The following PACRG variants were observed in gnomAD, a reference collection of about 807,000 sequenced individuals.
PACRG encodes parkin coregulated, also known as parkin coregulated gene protein.
A neutral mutation model predicts 29.7 loss-of-function variants in PACRG; 29 were observed. The ratio of observed to expected loss-of-function variants is 0.98; its 90% CI spans 0.73 to 1.33. The LOEUF (loss-of-function observed/expected upper bound fraction) is 1.33. Among genes scored for constraint, PACRG ranks in the 40% most tolerant of loss-of-function variants. The pLI is 0.00. For missense variants in PACRG, 279 were observed against 316.2 expected, an observed-to-expected ratio of 0.88 and a Z score of 0.89; for synonymous variants, 116 against 118.7, an observed-to-expected ratio of 0.98 and a Z score of 0.15.
chr6:163,178,444 T>A (rs555815389), intron 4 of PACRG, among the ~76,000 whole-genome samples: 138 of 152,254 alleles, frequency 9.1e-4, no homozygotes, highest in African/African-American at 3.2e-3. Flanking sequence ...AGGCCCGGGC[T>A]CCGGCAGCCA....
intron 1 of PACRG, among the ~76,000 whole-genome samples, chr6:162,752,047 TA>T (rs1211179049): frequency 6.6e-6 from 1 of 152,188 alleles, no homozygotes; most frequent in Non-Finnish European, 1.5e-5. Flanking sequence ...TGAAGTATGG[TA>T]AAATATCAGT....
intron 4 of PACRG, among the ~76,000 whole-genome samples, chr6:163,137,381 C>T (rs1012836220): frequency 7.9e-5 from 12 of 152,058 alleles, no homozygotes; most frequent in African/African-American, 2.9e-4. Flanking sequence ...TGTTCGCTTG[C>T]CAGTCCTCGG....
intron 4 of PACRG, among the ~76,000 whole-genome samples, chr6:163,128,068 A>G (rs1816587940): frequency 6.6e-6 from 1 of 152,180 alleles, no homozygotes; most frequent in Non-Finnish European, 1.5e-5. Context: ...TTAAAGTGTA[A>G]TTGTTTTAAA....
chr6:163,088,834 G>T (rs17380872), intron 3 of PACRG, among the ~76,000 whole-genome samples: 2 of 152,032 alleles, frequency 1.3e-5, no homozygotes, highest in East Asian at 3.9e-4. Flanking sequence ...CCAAATGTTC[G>T]TTCCATGTTA....
intron 2 of PACRG, among the ~76,000 whole-genome samples, chr6:162,947,287 TACATATAATC>T (rs1291464352): frequency 3.2e-5 from 1 of 31,142 alleles, no homozygotes; most frequent in Non-Finnish European, 6.1e-5. Context: ...TATATAATCA[TACATATAATC>T]ATATAATATA....
intron 1 of PACRG, among the ~76,000 whole-genome samples, chr6:162,801,643 G>T (rs1177836196): frequency 6.6e-6 from 1 of 151,924 alleles, no homozygotes; most frequent in Non-Finnish European, 1.5e-5. Flanking sequence ...TTTCCTTTAA[G>T]TCTAACAGAA....
At chr6:162,776,870 T>C (rs981875031) in intron 1 of PACRG, among the ~76,000 whole-genome samples, 3 of 152,142 alleles carry the variant, frequency 2.0e-5, no homozygotes, top group Non-Finnish European at 4.4e-5. Context: ...GCCACATCTC[T>C]CTCTGGGTTT....
chr6:162,947,615 T>TATATATATATATATATATATATATAATC (rs1799295489), intron 2 of PACRG, among the ~76,000 whole-genome samples: 2 of 22,524 alleles, frequency 8.9e-5, no homozygotes, highest in African/African-American at 2.9e-4. Flanking sequence ...TATAATCATA[T>TATATATATATATATATATATATATAATC]ATATATATAT....
intron 4 of PACRG, among the ~76,000 whole-genome samples, chr6:163,252,093 C>T (rs1220050655): frequency 6.6e-6 from 1 of 152,186 alleles, no homozygotes; most frequent in Non-Finnish European, 1.5e-5. Context: ...GTTGCTTATC[C>T]ACACCGCAAA....
chr6:163,171,924 C>T (rs1258842123), intron 4 of PACRG, among the ~76,000 whole-genome samples: 1 of 152,170 alleles, frequency 6.6e-6, no homozygotes, highest in Non-Finnish European at 1.5e-5. Flanking sequence ...TTTTCCATCA[C>T]AGACTCTACC....
intron 4 of PACRG, among the ~76,000 whole-genome samples, chr6:163,139,009 C>T (rs577618619): frequency 1.3e-5 from 2 of 152,322 alleles, no homozygotes; most frequent in African/African-American, 4.8e-5. Context: ...TCCTACACTG[C>T]CCATATTAGT....
chr6:163,237,364 GAC>G (rs1404908492), intron 4 of PACRG, among the ~76,000 whole-genome samples: 3 of 152,040 alleles, frequency 2.0e-5, no homozygotes, highest in African/African-American at 7.2e-5. Flanking sequence ...TTTCTTGATA[GAC>G]ACAGTCTTCT....
At chr6:163,183,823 C>T (rs76262361) in intron 4 of PACRG, among the ~76,000 whole-genome samples, 1 of 152,108 alleles carries the variant, frequency 6.6e-6, no homozygotes, top group African/African-American at 2.4e-5. Context: ...ATAACTGTAA[C>T]GAAACTGTAG....
chr6:163,301,448 T>C (rs1482960285), intron 4 of PACRG, among the ~76,000 whole-genome samples: 1 of 152,162 alleles, frequency 6.6e-6, no homozygotes, highest in Non-Finnish European at 1.5e-5. Flanking sequence ...TAATCAGAGA[T>C]GTAAGCAGGG....
At chr6:163,074,823 T>C (rs1812394097) in intron 3 of PACRG, among the ~76,000 whole-genome samples, 1 of 152,086 alleles carries the variant, frequency 6.6e-6, no homozygotes, top group Non-Finnish European at 1.5e-5. Flanking sequence ...TTTGGTAAAC[T>C]TAGAATTAAA....
At chr6:163,287,544 G>A (rs1459735465) in intron 4 of PACRG, among the ~76,000 whole-genome samples, 6 of 152,166 alleles carry the variant, frequency 3.9e-5, no homozygotes, top group African/African-American at 9.7e-5. Context: ...GGGACACTTC[G>A]AGGCTCTGCA....
intron 2 of PACRG, among the ~76,000 whole-genome samples, chr6:162,979,009 ATTAT>A (rs1802188581): frequency 6.6e-6 from 1 of 152,174 alleles, no homozygotes; most frequent in Admixed American, 6.5e-5. Context: ...CTCCTAGTTA[ATTAT>A]TTAATTAAAA....
intron 2 of PACRG, among the ~76,000 whole-genome samples, chr6:162,939,868 G>A (rs755267415): frequency 1.3e-5 from 2 of 152,124 alleles, no homozygotes; most frequent in Non-Finnish European, 2.9e-5. Context: ...AGCGCCTGCT[G>A]TCAGTCTTTT....
chr6:162,900,611 TG>T (rs1192054915), intron 2 of PACRG, among the ~76,000 whole-genome samples: 1 of 152,164 alleles, frequency 6.6e-6, no homozygotes, highest in Non-Finnish European at 1.5e-5. Context: ...TTGGCTGGTG[TG>T]AGGGCCCCCG....
Sources: allele counts gnomAD v4.1 joint callset (sites outside exome capture counted in the v4.1 genomes callset), GRCh38; gene constraint gnomAD v4.1.1; transcripts MANE v1.5; gene names NCBI Gene and HGNC (gene_info 2026-07-23, HGNC 2026-07-21).